Variants in KCND2 observed in about 807,000 individuals in gnomAD.
KCND2 encodes A-type voltage-gated potassium channel KCND2.
A neutral mutation model predicts 54.4 loss-of-function variants in KCND2; 16 were observed. That is an observed-to-expected ratio of 0.29 (90% CI 0.20 to 0.45). The LOEUF (loss-of-function observed/expected upper bound fraction) is 0.45, where lower values mean the gene tolerates loss of function less well. Ranked by LOEUF, KCND2 falls within the 20% of genes least tolerant of loss-of-function variation. The pLI is 1.00. For synonymous variants in KCND2, 317 were observed against 310.7 expected (o/e 1.02, Z -0.21); for missense variants, 486 against 824.2 (o/e 0.59, Z 5.02).
intron 1 of KCND2, among the ~76,000 whole-genome samples, chr7:120,670,973 C>T (rs1791986030): frequency 6.9e-6 from 1 of 145,114 alleles, no homozygotes; most frequent in Non-Finnish European, 1.5e-5. Flanking sequence ...TTATTATTAC[C>T]TCTGAAAAGA....
At chr7:120,433,506 A>G (rs1462187117) in intron 1 of KCND2, among the ~76,000 whole-genome samples, 1 of 152,202 alleles carries the variant, frequency 6.6e-6, no homozygotes, top group Non-Finnish European at 1.5e-5. Flanking sequence ...GTAGATCCAT[A>G]CAGACACATC....
intron 1 of KCND2, among the ~76,000 whole-genome samples, chr7:120,306,194 C>T (rs1051085479): frequency 6.6e-6 from 1 of 152,012 alleles, no homozygotes; most frequent in African/African-American, 2.4e-5. Context: ...TGGTATATAT[C>T]TCAATCCCAC....
At chr7:120,561,249 C>A (rs537631966) in intron 1 of KCND2, among the ~76,000 whole-genome samples, 2 of 152,182 alleles carry the variant, frequency 1.3e-5, no homozygotes, top group East Asian at 3.9e-4. Context: ...ATGGTATGTT[C>A]TTGTTCTTAT....
In KCND2 at chr7:120,724,563, A is replaced by C. The variant is rs117486716; in HGVS notation, c.1116-8340A>C. ...TGAACAGTGGAGGATGAGGTGGCCA[A>C]GTCATGAAGAGCTGTGGTTATCATG... On this transcript the variant is annotated intron_variant, in intron 1 of 5. Transcript: ENST00000331113. Among the ~76,000 whole-genome samples, 353 of 152,300 alleles carry C rather than the reference A, an allele frequency of 2.3e-3. 1 individual carries two copies. The highest frequency in any genetic ancestry group is 4.3e-3 in the Non-Finnish European group (294 of 68,018).
At chr7:120,425,580 C>T (rs528059489) in intron 1 of KCND2, among the ~76,000 whole-genome samples, 5 of 152,330 alleles carry the variant, frequency 3.3e-5, no homozygotes, top group African/African-American at 1.2e-4. Flanking sequence ...TTACTATAGA[C>T]ATTTTCCAAG....
intron 1 of KCND2, among the ~76,000 whole-genome samples, chr7:120,564,080 T>C (rs1432591964): frequency 6.6e-6 from 1 of 152,142 alleles, no homozygotes; most frequent in African/African-American, 2.4e-5. Context: ...CCAATAAATT[T>C]GGACAAATAA....
chr7:120,331,485 C>CA (rs1282028550), intron 1 of KCND2, among the ~76,000 whole-genome samples: 5 of 148,922 alleles, frequency 3.4e-5, no homozygotes, highest in South Asian at 2.1e-4. Flanking sequence ...ATTTTAATTA[C>CA]AAAAAAAGGA....
chr7:120,298,214 G>C (rs534943338), intron 1 of KCND2, among the ~76,000 whole-genome samples: 2 of 152,198 alleles, frequency 1.3e-5, no homozygotes, highest in East Asian at 3.9e-4. Flanking sequence ...TCAAAAAAGA[G>C]TCTCTCTACA....
chr7:120,557,145 A>G (rs1792175730), intron 1 of KCND2, among the ~76,000 whole-genome samples: 2 of 152,150 alleles, frequency 1.3e-5, no homozygotes, highest in African/African-American at 2.4e-5. Flanking sequence ...ATACAGATAG[A>G]TTTCTTAATT....
intron 1 of KCND2, among the ~76,000 whole-genome samples, chr7:120,726,163 A>G (rs1435677375): frequency 6.6e-6 from 1 of 152,222 alleles, no homozygotes; most frequent in African/African-American, 2.4e-5. Context: ...TTGATCGTAT[A>G]GTAATTGATC....
chr7:120,648,455 A>T (rs1484806903), intron 1 of KCND2, among the ~76,000 whole-genome samples: 3 of 152,126 alleles, frequency 2.0e-5, no homozygotes, highest in African/African-American at 7.2e-5. Context: ...AGAGAAGAGG[A>T]GTGTAAAAAG....
intron 1 of KCND2, among the ~76,000 whole-genome samples, chr7:120,303,647 A>G (rs565770437): frequency 6.6e-6 from 1 of 152,282 alleles, no homozygotes; most frequent in African/African-American, 2.4e-5. Context: ...ATTTAAAACT[A>G]TTCTCAAGAA....
chr7:120,349,999 ATG>A (rs1413206812), intron 1 of KCND2, among the ~76,000 whole-genome samples: 1 of 152,052 alleles, frequency 6.6e-6, no homozygotes, highest in East Asian at 1.9e-4. Flanking sequence ...TAATAAATGA[ATG>A]TGTCTATGTT....
chr7:120,322,109 T>C (rs1799900080), intron 1 of KCND2, among the ~76,000 whole-genome samples: 2 of 151,994 alleles, frequency 1.3e-5, no homozygotes, highest in Admixed American at 6.6e-5. Flanking sequence ...TACCTTTAAA[T>C]TTAGAAAATA....
At chr7:120,350,421 A>G (rs1336681090) in intron 1 of KCND2, among the ~76,000 whole-genome samples, 1 of 152,178 alleles carries the variant, frequency 6.6e-6, no homozygotes, top group Non-Finnish European at 1.5e-5. Context: ...GGAATTATAT[A>G]TAATCAATGT....
At chr7:120,508,464 C>G (rs773493609) in intron 1 of KCND2, among the ~76,000 whole-genome samples, 3 of 151,914 alleles carry the variant, frequency 2.0e-5, no homozygotes, top group Non-Finnish European at 4.4e-5. Flanking sequence ...AGGAAGGTAG[C>G]TGTAGATATA....
chr7:120,710,911 T>C (rs192346540), intron 1 of KCND2, among the ~76,000 whole-genome samples: 52 of 152,252 alleles, frequency 3.4e-4, no homozygotes, highest in Admixed American at 9.2e-4. Context: ...CTATTATATC[T>C]TTTTTATAAT....
intron 1 of KCND2, among the ~76,000 whole-genome samples, chr7:120,375,645 C>T (rs1040690994): frequency 6.6e-6 from 1 of 151,680 alleles, no homozygotes; most frequent in African/African-American, 2.4e-5. Flanking sequence ...GAATTGTCAT[C>T]ATAATATTAC....
At chr7:120,342,638 G>A (rs942924760) in intron 1 of KCND2, among the ~76,000 whole-genome samples, 4 of 152,018 alleles carry the variant, frequency 2.6e-5, no homozygotes, top group Admixed American at 1.3e-4. Context: ...AAATACTAAA[G>A]TATTAATTTC....
Sources: gnomAD v4.1 joint callset for allele counts (sites outside exome capture counted in the v4.1 genomes callset) on GRCh38, gnomAD v4.1.1 for gene constraint, MANE v1.5 for transcripts, NCBI Gene and HGNC (gene_info 2026-07-23, HGNC 2026-07-21) for gene names.